SOX5: variants seen among roughly 807,000 people sequenced by gnomAD.
SOX5 encodes the protein transcription factor SOX-5.
In SOX5, 9 loss-of-function variants were observed where a neutral mutation model predicts 92.0. That is an observed-to-expected ratio of 0.10 (90% CI 0.06 to 0.17). The LOEUF (loss-of-function observed/expected upper bound fraction) is 0.17. SOX5 is among the 10% of genes least tolerant of loss of function. SOX5 has a pLI of 1.00. For synonymous variants in SOX5, 344 were observed against 336.3 expected (o/e 1.02, Z -0.25); for missense variants, 642 against 944.5 (o/e 0.68, Z 4.20).
At chr12:24,379,479 C>T (rs1444241355) in intron 1 of SOX5, among the ~76,000 whole-genome samples, 2 of 152,198 alleles carry the variant, frequency 1.3e-5, no homozygotes, top group African/African-American at 4.8e-5. Context: ...AGAACAGGCA[C>T]CTGATCTAAT....
At chr12:23,868,498 T>C (rs2096839171) in intron 2 of SOX5, among the ~76,000 whole-genome samples, 1 of 152,166 alleles carries the variant, frequency 6.6e-6, no homozygotes, top group Non-Finnish European at 1.5e-5. Flanking sequence ...TACTTTCCAT[T>C]CACTTTTGCT....
chr12:24,076,214 T>C (rs1374271823), intron 4 of SOX5, among the ~76,000 whole-genome samples: 3 of 152,154 alleles, frequency 2.0e-5, no homozygotes, highest in Non-Finnish European at 4.4e-5. Context: ...TTAATTAAAA[T>C]GGTGACCATC....
intron 4 of SOX5, among the ~76,000 whole-genome samples, chr12:24,020,022 C>G (rs771096138): frequency 1.3e-5 from 2 of 152,170 alleles, no homozygotes; most frequent in Non-Finnish European, 2.9e-5. Context: ...GTAATTAAAT[C>G]CCTTTGAACA....
In SOX5 at chr12:24,550,451, C is replaced by T. The variant is rs181356191; in HGVS notation, c.-251+11878G>A. 2.8e-3 allele frequency among the ~76,000 whole-genome samples: 430 copies of T among 152,214 alleles called. 4 individuals are homozygous for T. Among genetic ancestry groups the T allele is most frequent in the African/African-American group, 8.9e-3 (371 of 41,528 alleles). ...AATCTCTGATGACCCTTTTAGAGAC[C>T]TCATCCTTCAAACAGATGGAGCCAT... On this transcript the variant is annotated intron_variant, in intron 1 of 4. Coordinates refer to the SOX5 transcript ENST00000446891.
intron 5 of SOX5, among the ~76,000 whole-genome samples, chr12:23,739,382 T>A (rs1464156820): frequency 6.6e-6 from 1 of 152,216 alleles, no homozygotes; most frequent in Non-Finnish European, 1.5e-5. Flanking sequence ...ATTGTCTGAT[T>A]TCGGCTACTA....
intron 1 of SOX5, among the ~76,000 whole-genome samples, chr12:24,389,802 C>T (rs1023436188): frequency 6.6e-6 from 1 of 152,180 alleles, no homozygotes; most frequent in Non-Finnish European, 1.5e-5. Flanking sequence ...AGCTGCCTGA[C>T]TGTTTTCCAA....
intron 3 of SOX5, among the ~76,000 whole-genome samples, chr12:23,814,127 G>A (rs2095936800): frequency 6.6e-6 from 1 of 152,032 alleles, no homozygotes; most frequent in South Asian, 2.1e-4. Flanking sequence ...TGCTTGGTAA[G>A]TATTTTTTCA....
At chr12:23,733,088 G>A (rs563684870) in intron 6 of SOX5, among the ~76,000 whole-genome samples, 32 of 152,208 alleles carry the variant, frequency 2.1e-4, no homozygotes, top group African/African-American at 6.7e-4. Flanking sequence ...CTAATTGGTC[G>A]GAACAGTTTA....
intron 6 of SOX5, among the ~76,000 whole-genome samples, chr12:23,695,462 A>G (rs895975982): frequency 3.3e-5 from 5 of 152,200 alleles, no homozygotes; most frequent in Non-Finnish European, 7.3e-5. Context: ...TTATTGAGAA[A>G]AGTTTCTAAT....
chr12:24,168,951 C>G (rs1467656516), intron 4 of SOX5, among the ~76,000 whole-genome samples: 1 of 151,954 alleles, frequency 6.6e-6, no homozygotes, highest in African/African-American at 2.4e-5. Flanking sequence ...AACATTATTA[C>G]TACAACCCAA....
intron 4 of SOX5, among the ~76,000 whole-genome samples, chr12:24,121,389 A>C (rs978656329): frequency 6.6e-6 from 1 of 152,170 alleles, no homozygotes; most frequent in Non-Finnish European, 1.5e-5. Context: ...ACTAAGAAGG[A>C]TAAGACATCA....
intron 1 of SOX5, among the ~76,000 whole-genome samples, chr12:24,550,424 A>G (rs1953044719): frequency 6.6e-6 from 1 of 152,144 alleles, no homozygotes; most frequent in African/African-American, 2.4e-5. Flanking sequence ...CATGCCAAAC[A>G]CAATCTCTGA....
intron 4 of SOX5, among the ~76,000 whole-genome samples, chr12:23,744,758 A>G (rs1459616561): frequency 6.6e-6 from 1 of 152,158 alleles, no homozygotes; most frequent in Non-Finnish European, 1.5e-5. Flanking sequence ...CATATACAAT[A>G]ATATTTCAGT....
intron 1 of SOX5, among the ~76,000 whole-genome samples, chr12:24,533,007 G>A (rs984752737): frequency 6.6e-6 from 1 of 152,152 alleles, no homozygotes; most frequent in Non-Finnish European, 1.5e-5. Context: ...TTCCATTATA[G>A]CAAGGTAAAT....
intron 4 of SOX5, among the ~76,000 whole-genome samples, chr12:23,993,875 G>GCA (rs1170770573): frequency 3.4e-5 from 5 of 147,616 alleles, no homozygotes; most frequent in Non-Finnish European, 7.4e-5. Context: ...ATGTATGTAT[G>GCA]TATGTATGTA....
intron 8 of SOX5, among the ~76,000 whole-genome samples, chr12:23,623,508 T>C (rs1293192745): frequency 6.6e-6 from 1 of 152,102 alleles, no homozygotes; most frequent in African/African-American, 2.4e-5. Context: ...AGATGGTACT[T>C]AGAAACAGTG....
intron 7 of SOX5, among the ~76,000 whole-genome samples, chr12:23,661,263 T>A (rs1479447): frequency 0.26 from 40,256 of 152,042 alleles, 5,455 homozygotes; most frequent in African/African-American, 0.3. Flanking sequence ...TTTATACCCA[T>A]ACAGAAAAGA....
chr12:24,362,603 A>G (rs1595928643), intron 2 of SOX5, among the ~76,000 whole-genome samples: 1 of 152,176 alleles, frequency 6.6e-6, no homozygotes, highest in East Asian at 1.9e-4. Context: ...TTCACAGCCC[A>G]GTTCTCCCTT....
chr12:23,956,394 T>C (rs991811004), intron 4 of SOX5, among the ~76,000 whole-genome samples: 1 of 152,140 alleles, frequency 6.6e-6, no homozygotes, highest in African/African-American at 2.4e-5. Flanking sequence ...ACCTGAGCTC[T>C]GCCTCCTGTC....
Sources: gnomAD v4.1 joint callset for allele counts (sites outside exome capture counted in the v4.1 genomes callset) on GRCh38, gnomAD v4.1.1 for gene constraint, MANE v1.5 for transcripts, NCBI Gene and HGNC (gene_info 2026-07-23, HGNC 2026-07-21) for gene names.